The following RNF126 variants were observed in gnomAD, a reference collection of about 807,000 sequenced individuals.
The protein encoded by RNF126 is E3 ubiquitin-protein ligase RNF126.
In RNF126, 20 loss-of-function variants were observed where a neutral mutation model predicts 41.9. The ratio of observed to expected loss-of-function variants is 0.48; its 90% CI spans 0.34 to 0.69. RNF126 has a LOEUF of 0.69. RNF126 is among the 30% of genes least tolerant of loss of function. The probability of loss-of-function intolerance (pLI) is 0.01; values close to 1 mark genes in which losing one functional copy is unlikely to be tolerated. For synonymous variants in RNF126, 239 were observed against 202.9 expected (o/e 1.18, Z -1.51); for missense variants, 433 against 460.6 (o/e 0.94, Z 0.55).
Position 663,189 on chromosome 19 carries a change from C to T in RNF126, c.-68G>A. 1.5e-6 allele frequency: 1 copy of T among 658,568 alleles called. No homozygotes were observed. Among genetic ancestry groups the T allele is most frequent in the Non-Finnish European group, 2.0e-6 (1 of 506,800 alleles). 40.8% of individuals were successfully genotyped at this position (658,568 alleles called of 1,614,324 possible). On this transcript the variant is annotated 5_prime_UTR_variant, in exon 1 of 9. Coordinates refer to ENST00000292363, the MANE Select transcript of RNF126 (RefSeq NM_194460.3). ...ACCCGCCGCCGGCCGTTTGCTGCTC[C>T]CTCGCCGGCCGACGCGCCCGCGCAC...
chr19:651,678 G>A lies in RNF126; in HGVS notation c.376C>T (p.Gln126Ter). 6.3e-7 allele frequency: 1 copy of A among 1,576,444 alleles called. No homozygotes were observed. The highest frequency in any genetic ancestry group is 1.7e-4 in the Middle Eastern group (1 of 5,790). ...HPSRHRYGAR[Q>*]PRARLTTRRA... ...CGCGTGGTGAGGCGGGCGCGGGGCT[G>A]TCGGGCGCCGTACCGGTGCCGGGAC... The change falls in exon 4 of 9, where the codon CAG (glutamine) becomes TAG (stop). Residue 126 changes from glutamine (Q) to a stop codon, truncating the protein, a stop_gained. Transcript: ENST00000292363. LOFTEE classifies it high-confidence loss of function.
chr19:658,051 C>T (rs1268555931), intron 1 of RNF126, among the ~76,000 whole-genome samples: 1 of 151,930 alleles, frequency 6.6e-6, no homozygotes, highest in African/African-American at 2.4e-5. Flanking sequence ...CCCATTGGAG[C>T]CTCTGGCCCT....
intron 1 of RNF126, among the ~76,000 whole-genome samples, chr19:662,411 G>A (rs1342609066): frequency 1.3e-5 from 2 of 152,320 alleles, no homozygotes; most frequent in African/African-American, 4.8e-5. Flanking sequence ...CAAGCCCCGG[G>A]AGGGGAGGAA....
At chr19:656,404 A>G (rs941553329) in intron 1 of RNF126, among the ~76,000 whole-genome samples, 1 of 152,176 alleles carries the variant, frequency 6.6e-6, no homozygotes, top group Non-Finnish European at 1.5e-5. Context: ...CTGTAATCCT[A>G]GCACTTTGGG....
At chr19:649,606 A>G in intron 6 of RNF126, 73 bp downstream of exon 6, 1 of 1,248,556 alleles carries the variant, frequency 8.0e-7, no homozygotes. Flanking sequence ...GGGTCCAGGC[A>G]GTGGGGCAGC....
chr19:649,464 C>T (rs1314779208), intron 6 of RNF126: 12 of 570,810 alleles, frequency 2.1e-5, no homozygotes, highest in Middle Eastern at 4.6e-4. Context: ...TACAACGTTC[C>T]GCGTGAACAC....
chr19:648,335 C>T (rs376778263), intron 8 of RNF126, 37 bp downstream of exon 8: 36 of 224,336 alleles, frequency 1.6e-4, no homozygotes, highest in South Asian at 7.0e-4. Flanking sequence ...GGGAGGGCCG[C>T]GGTCGGGGTG....
At position 651,054 on chromosome 19, in the gene RNF126, T is replaced by C. The variant is rs573959082; in HGVS notation, c.443+557A>G. On this transcript the variant is annotated intron_variant, in intron 4 of 8. Coordinates refer to ENST00000292363, the MANE Select transcript of RNF126 (RefSeq NM_194460.3). ...AAATTAGCCACTTTTAAAGATGACA[T>C]TTCCAGCAGGTGAGACACACAACCA... is the stretch of plus-strand genomic sequence containing the variant. 1.3e-4 allele frequency among the ~76,000 whole-genome samples: 20 copies of C among 152,258 alleles called. No individual in the cohort carries two copies. In the East Asian group the frequency reaches 2.9e-3, roughly 22 times the overall value.
chr19:653,012 G>T (rs545041430), intron 1 of RNF126, 128 bp from the exon 2 acceptor site: 32 of 875,534 alleles, frequency 3.7e-5, no homozygotes, highest in Non-Finnish European at 5.6e-5. Context: ...AGGCCAGGGT[G>T]GCTCCCAACC....
At chr19:662,223 G>T (rs1410513704) in intron 1 of RNF126, among the ~76,000 whole-genome samples, 1 of 152,212 alleles carries the variant, frequency 6.6e-6, no homozygotes, top group Non-Finnish European at 1.5e-5. Context: ...CCTGGAAAAG[G>T]GGCCTGGAAA....
At chr19:662,422 C>G (rs2030845100) in intron 1 of RNF126, among the ~76,000 whole-genome samples, 2 of 152,176 alleles carry the variant, frequency 1.3e-5, no homozygotes, top group African/African-American at 2.4e-5. Context: ...AGGGGAGGAA[C>G]GCAGGCTCTG....
chr19:652,563 G>A (rs917595806), intron 2 of RNF126: 6 of 604,538 alleles, frequency 9.9e-6, no homozygotes, highest in South Asian at 2.0e-5. Context: ...TCCCCGGAGG[G>A]CCTGGGTCAC....
chr19:648,535 G>C (rs148780110), intron 7 of RNF126, 48 bp from the exon 8 acceptor site: 1 of 1,424,690 alleles, frequency 7.0e-7, no homozygotes, highest in Non-Finnish European at 9.6e-7. Flanking sequence ...GGGGCCTGCC[G>C]AGCCTTCAAG....
intron 1 of RNF126, among the ~76,000 whole-genome samples, chr19:658,194 C>T (rs2030640993): frequency 6.6e-6 from 1 of 152,132 alleles, no homozygotes; most frequent in African/African-American, 2.4e-5. Flanking sequence ...TGCCGGGCTC[C>T]ACCCATGCAC....
rs966783341 is a variant in RNF126, at chr19:663,125, C to T, written c.-4G>A. ...GATGCGGCGACGCCTCGGCCATGGCCGCCGCCACCTACTCCGCGCCGCCCG... is the reference window on the plus strand; with the variant it reads ...GATGCGGCGACGCCTCGGCCATGGCTGCCGCCACCTACTCCGCGCCGCCCG... On this transcript the variant is annotated 5_prime_UTR_variant, in exon 1 of 9. Coordinates refer to ENST00000292363, the MANE Select transcript of RNF126 (RefSeq NM_194460.3). 1.6e-6 allele frequency: 2 copies of T among 1,280,942 alleles called. No homozygotes were observed. The highest frequency in any genetic ancestry group is 1.6e-5 in the African/African-American group (1 of 64,148). The allele number at this position is 1,280,942 out of a possible 1,614,324, so 79.3% of individuals were successfully genotyped here. A position where few individuals can be genotyped will look rare whatever the true frequency, so the allele number is the denominator to read the frequency against.
chr19:653,665 C>A (rs559193183), intron 1 of RNF126, among the ~76,000 whole-genome samples: 58 of 152,236 alleles, frequency 3.8e-4, no homozygotes, highest in Non-Finnish European at 7.8e-4. Context: ...GGGGCCTGGG[C>A]TGAAACGTGC....
In RNF126 at chr19:659,055, G is replaced by A. The variant is rs1385809514; in HGVS notation, c.75+3992C>T. Among the ~76,000 whole-genome samples the A allele has an allele frequency of 1.3e-5, 2 of 152,234 alleles. No individual in the cohort carries two copies. Among genetic ancestry groups the A allele is most frequent in the African/African-American group, 4.8e-5 (2 of 41,462 alleles). Reference sequence around the variant, plus strand: ...CAACGCCAGGCTCCATGTTCACAGGGTGCTGCAGGGAGCCCGTTCCGGAGA... The same window carrying A: ...CAACGCCAGGCTCCATGTTCACAGGATGCTGCAGGGAGCCCGTTCCGGAGA... On this transcript the variant is annotated intron_variant, in intron 1 of 8. Transcript: ENST00000292363. This position sits in a 1 kb window ranked among gnomAD's most constrained non-coding sequence, Gnocchi z 4.9.
At position 659,369 on chromosome 19, in the gene RNF126, GCCA is replaced by G. The variant is rs2030697632; in HGVS notation, c.75+3675_75+3677del. On this transcript the variant is annotated intron_variant, in intron 1 of 8. Transcript: ENST00000292363. This position sits in a 1 kb window ranked among gnomAD's most constrained non-coding sequence, Gnocchi z 4.9. ...TCCCCGCCCACGCCGGCTCTTCCCC[GCCA>G]CCGTGGGCGGCAGGGCCCAGCACCC... 6.6e-6 allele frequency among the ~76,000 whole-genome samples: 1 copy of G among 152,066 alleles called. No individual in the cohort carries two copies. Among genetic ancestry groups the G allele is most frequent in the Non-Finnish European group, 1.5e-5 (1 of 68,002 alleles).
At chr19:651,299 G>C (rs1416429562) in intron 4 of RNF126, 1 of 242,390 alleles carries the variant, frequency 4.1e-6, no homozygotes, top group East Asian at 8.4e-5. Context: ...GCTCCCCCAG[G>C]CTCTGTTCTG....
Sources: allele counts gnomAD v4.1 joint callset (sites outside exome capture counted in the v4.1 genomes callset), GRCh38; gene constraint gnomAD v4.1.1; non-coding constraint Gnocchi (gnomAD v3.1); transcripts MANE v1.5; gene names NCBI Gene and HGNC (gene_info 2026-07-23, HGNC 2026-07-21).